Variants in RBFOX1 observed in about 807,000 individuals in gnomAD.
The protein encoded by RBFOX1 is RNA binding fox-1 homolog 1.
In RBFOX1, 8 loss-of-function variants were observed where a neutral mutation model predicts 57.7. The observed-to-expected ratio is 0.14, with a 90% CI of 0.08 to 0.25. The LOEUF (loss-of-function observed/expected upper bound fraction) is 0.25, where lower values mean the gene tolerates loss of function less well. RBFOX1 is among the 10% of genes least tolerant of loss of function. The pLI, the probability that RBFOX1 is intolerant of heterozygous loss-of-function variation, is 1.00. For synonymous variants in RBFOX1, 326 were observed against 222.4 expected (o/e 1.47, Z -4.15); for missense variants, 611 against 548.5 (o/e 1.11, Z -1.14).
intron 4 of RBFOX1, among the ~76,000 whole-genome samples, chr16:7,417,126 T>C (rs1276630528): frequency 6.6e-6 from 1 of 151,904 alleles, no homozygotes; most frequent in Non-Finnish European, 1.5e-5. Context: ...TCCCAGCACT[T>C]TGGGAGGCGG....
At position 6,539,373 on chromosome 16, in the gene RBFOX1, C is replaced by T. The variant is rs138554888; in HGVS notation, c.-63-115230C>T. ...TAAGATAATGCAGGAAAGCATTTAG[C>T]GTAGCATCTGGCACACAGCAGCACT... On this transcript the variant is annotated intron_variant, in intron 2 of 15. Transcript: ENST00000550418. 1.4e-3 allele frequency among the ~76,000 whole-genome samples: 214 copies of T among 152,250 alleles called. 1 individual carries two copies. The highest frequency in any genetic ancestry group is 4.7e-3 in the African/African-American group (195 of 41,544).
chr16:6,954,948 A>T (rs189844995), intron 3 of RBFOX1, among the ~76,000 whole-genome samples: 1 of 152,162 alleles, frequency 6.6e-6, no homozygotes, highest in Non-Finnish European at 1.5e-5. Context: ...TTTAATATGA[A>T]GGCTGGGTGT....
At chr16:5,861,278 A>C (rs190353287) in intron 3 of RBFOX1, among the ~76,000 whole-genome samples, 213 of 152,272 alleles carry the variant, frequency 1.4e-3, no homozygotes, top group African/African-American at 4.7e-3. Context: ...CTACATGCTT[A>C]CACCCCCGTG....
intron 4 of RBFOX1, among the ~76,000 whole-genome samples, chr16:5,971,073 C>T (rs907339598): frequency 6.6e-6 from 1 of 152,332 alleles, no homozygotes; most frequent in Non-Finnish European, 1.5e-5. Context: ...TTCCTGTCCC[C>T]TTTCGATCTT....
chr16:5,271,418 C>A (rs796759940), intron 1 of RBFOX1, among the ~76,000 whole-genome samples: 1 of 135,660 alleles, frequency 7.4e-6, no homozygotes, highest in Non-Finnish European at 1.7e-5. Flanking sequence ...CCGGTGATTC[C>A]GACTCAGTAG....
chr16:6,809,479 T>C (rs1357401372), intron 3 of RBFOX1, among the ~76,000 whole-genome samples: 1 of 152,180 alleles, frequency 6.6e-6, no homozygotes, highest in Non-Finnish European at 1.5e-5. Context: ...AAATATTATC[T>C]TCCTCATCTA....
chr16:7,222,808 C>G (rs925526524), intron 4 of RBFOX1, among the ~76,000 whole-genome samples: 6 of 152,218 alleles, frequency 3.9e-5, no homozygotes, highest in African/African-American at 1.2e-4. Flanking sequence ...AGGTACTCTT[C>G]TGGGTACTCA....
chr16:6,966,518 G>A (rs2084202400), intron 3 of RBFOX1, among the ~76,000 whole-genome samples: 1 of 152,090 alleles, frequency 6.6e-6, no homozygotes, highest in African/African-American at 2.4e-5. Flanking sequence ...GGGGCGGACG[G>A]GGGAAGACTG....
intron 4 of RBFOX1, among the ~76,000 whole-genome samples, chr16:7,322,199 G>C (rs932679865): frequency 1.3e-5 from 2 of 152,240 alleles, no homozygotes; most frequent in African/African-American, 4.8e-5. Flanking sequence ...TGAGATGACT[G>C]CTAGTTATCG....
intron 1 of RBFOX1, among the ~76,000 whole-genome samples, chr16:6,151,941 G>T (rs1054467121): frequency 6.6e-6 from 1 of 152,162 alleles, no homozygotes; most frequent in Non-Finnish European, 1.5e-5. Context: ...AAGGAGAAAA[G>T]AAAAAGCTTT....
At chr16:5,370,109 C>T (rs2065819823) in intron 1 of RBFOX1, among the ~76,000 whole-genome samples, 1 of 152,128 alleles carries the variant, frequency 6.6e-6, no homozygotes, top group Admixed American at 6.5e-5. Flanking sequence ...ACAAACTGTA[C>T]AGAAATACCT....
At chr16:5,375,846 A>G (rs1005500156) in intron 1 of RBFOX1, among the ~76,000 whole-genome samples, 3 of 152,204 alleles carry the variant, frequency 2.0e-5, no homozygotes, top group Non-Finnish European at 4.4e-5. Flanking sequence ...GCCCTTTGCG[A>G]TAAGACTTTC....
chr16:6,189,199 T>C (rs1335785732), intron 1 of RBFOX1, among the ~76,000 whole-genome samples: 5 of 152,200 alleles, frequency 3.3e-5, no homozygotes, highest in African/African-American at 1.2e-4. Context: ...AATGCTTTCA[T>C]AGCAAATGTT....
chr16:6,425,780 ATTTCT>A (rs1364645221), intron 2 of RBFOX1, among the ~76,000 whole-genome samples: 1 of 152,114 alleles, frequency 6.6e-6, no homozygotes, highest in Non-Finnish European at 1.5e-5. Flanking sequence ...AAGGTTTAAA[ATTTCT>A]TTTATTCAGG....
At chr16:5,908,167 CACATATATACACATATATACACATATAT>C (rs2058515202) in intron 4 of RBFOX1, among the ~76,000 whole-genome samples, 2 of 92,912 alleles carry the variant, frequency 2.2e-5, no homozygotes, top group Non-Finnish European at 4.2e-5. Flanking sequence ...CATATATATA[CACATATATACACATATATACACATATAT>C]ACATATACAC....
intron 4 of RBFOX1, among the ~76,000 whole-genome samples, chr16:5,879,081 G>A (rs1007108560): frequency 1.3e-5 from 2 of 152,192 alleles, no homozygotes; most frequent in African/African-American, 4.8e-5. Flanking sequence ...CAGCCAAGTA[G>A]ATATTGAGTA....
At chr16:6,117,219 C>G (rs1313392814) in intron 1 of RBFOX1, among the ~76,000 whole-genome samples, 2 of 152,036 alleles carry the variant, frequency 1.3e-5, no homozygotes, top group Non-Finnish European at 2.9e-5. Flanking sequence ...ATTAAAGCCA[C>G]AAATTACTAT....
chr16:6,767,950 G>T (rs62016064), intron 3 of RBFOX1, among the ~76,000 whole-genome samples: 23,320 of 102,216 alleles, frequency 0.23, 2,157 homozygotes, highest in Non-Finnish European at 0.25. Context: ...ATAATAATAA[G>T]AAGAAGAAGA....
intron 1 of RBFOX1, among the ~76,000 whole-genome samples, chr16:6,051,266 A>G (rs1489429329): frequency 7.2e-5 from 11 of 152,050 alleles, no homozygotes; most frequent in Non-Finnish European, 1.3e-4. Context: ...TCCAGTTACC[A>G]TCATCTTGAT....
Sources: gnomAD v4.1 joint callset for allele counts (sites outside exome capture counted in the v4.1 genomes callset) on GRCh38, gnomAD v4.1.1 for gene constraint, MANE v1.5 for transcripts, NCBI Gene and HGNC (gene_info 2026-07-23, HGNC 2026-07-21) for gene names.